Variants in SLC10A7 observed in about 807,000 individuals in gnomAD.
SLC10A7 encodes sodium/bile acid cotransporter 7.
In SLC10A7, 29 loss-of-function variants were observed where a neutral mutation model predicts 43.2. The ratio of observed to expected loss-of-function variants is 0.67; its 90% CI spans 0.50 to 0.92. The LOEUF is 0.92. SLC10A7 is among the 40% of genes least tolerant of loss of function. The pLI is 0.00. For synonymous variants in SLC10A7, 152 were observed against 144.8 expected, an observed-to-expected ratio of 1.05 and a Z score of -0.35; for missense variants, 295 against 403.2, an observed-to-expected ratio of 0.73 and a Z score of 2.30.
chr4:146,350,786 C>T (rs1228656041), intron 5 of SLC10A7, among the ~76,000 whole-genome samples: 8 of 103,308 alleles, frequency 7.7e-5, no homozygotes, highest in South Asian at 8.2e-4. Flanking sequence ...ACACCTCACA[C>T]GGCAGGGTAT....
chr4:146,282,319 A>G (rs1331766386), intron 10 of SLC10A7, among the ~76,000 whole-genome samples: 1 of 152,222 alleles, frequency 6.6e-6, no homozygotes, highest in Non-Finnish European at 1.5e-5. Flanking sequence ...GGGATTAATA[A>G]AAACATTATG....
rs961128550 is a variant in SLC10A7, at chr4:146,429,156, T to C, written c.435+13627A>G. 3.3e-5 allele frequency among the ~76,000 whole-genome samples: 5 copies of C among 152,166 alleles called. No homozygotes were observed. In the East Asian group the frequency reaches 7.7e-4, roughly 23 times the overall value. On this transcript the variant is annotated intron_variant, in intron 5 of 11. Coordinates refer to ENST00000335472, the MANE Select transcript of SLC10A7 (RefSeq NM_001029998.6). ...TTTCTTATGGCTACAGCAAGTTTTA[T>C]TGAGATTTAAAACCTTGGAATTTAA...
rs574775042 is a variant in SLC10A7, at chr4:146,445,654, G to A, written c.397-2833C>T. Among the ~76,000 whole-genome samples the A allele has an allele frequency of 7.9e-5, 12 of 152,186 alleles. No individual in the cohort carries two copies. In the South Asian group the frequency reaches 1.7e-3, roughly 21 times the overall value. ...CTTGGTACCCGAGTTCTTGTCAGGC[G>A]TCCAGGAAAAATCAGGTCACACAAA... is the stretch of plus-strand genomic sequence containing the variant. On this transcript the variant is annotated intron_variant, in intron 4 of 11. Coordinates refer to ENST00000335472, the MANE Select transcript of SLC10A7 (RefSeq NM_001029998.6).
intron 6 of SLC10A7, among the ~76,000 whole-genome samples, chr4:146,312,910 G>A (rs917998153): frequency 1.3e-5 from 2 of 152,110 alleles, no homozygotes; most frequent in Admixed American, 1.3e-4. Flanking sequence ...GGAAAGCTAT[G>A]AAGAATTGAG....
chr4:146,516,733 G>A (rs1394536385), intron 2 of SLC10A7, among the ~76,000 whole-genome samples: 1 of 152,042 alleles, frequency 6.6e-6, no homozygotes, highest in African/African-American at 2.4e-5. Context: ...AGGCATAGCA[G>A]GCACCACTGT....
intron 5 of SLC10A7, among the ~76,000 whole-genome samples, chr4:146,352,800 G>A (rs1319020630): frequency 5.7e-5 from 8 of 140,134 alleles, no homozygotes; most frequent in South Asian, 2.5e-4. Context: ...GGTACATAAC[G>A]AAATGAAGGC....
intron 7 of SLC10A7, among the ~76,000 whole-genome samples, chr4:146,304,670 G>C (rs931534637): frequency 3.0e-4 from 45 of 152,054 alleles, no homozygotes; most frequent in Non-Finnish European, 5.6e-4. Flanking sequence ...TTACTTCCAA[G>C]TATGTGGTCA....
chr4:146,421,380 T>C (rs1248482773), intron 5 of SLC10A7, among the ~76,000 whole-genome samples: 3 of 152,202 alleles, frequency 2.0e-5, no homozygotes, highest in Admixed American at 1.3e-4. Context: ...AAAGTATTCA[T>C]TGTTGTTCAT....
At chr4:146,395,805 C>G (rs533573872) in intron 5 of SLC10A7, among the ~76,000 whole-genome samples, 2 of 152,222 alleles carry the variant, frequency 1.3e-5, no homozygotes, top group African/African-American at 2.4e-5. Context: ...AATATATTTT[C>G]TATCCCCCAA....
At chr4:146,326,140 C>A in intron 5 of SLC10A7, 144 bp from the exon 6 acceptor site, 1 of 655,952 alleles carries the variant, frequency 1.5e-6, no homozygotes, top group African/African-American at 1.8e-5. Flanking sequence ...GGGAGAGTCC[C>A]AATCTTAGCT....
intron 5 of SLC10A7, among the ~76,000 whole-genome samples, chr4:146,430,056 A>G (rs1729658805): frequency 6.7e-6 from 1 of 149,032 alleles, no homozygotes; most frequent in Non-Finnish European, 1.5e-5. Flanking sequence ...GAGAAAACAT[A>G]GGGGAAAAAT....
intron 5 of SLC10A7, among the ~76,000 whole-genome samples, chr4:146,339,824 T>A (rs13116650): frequency 0.48 from 71,261 of 148,716 alleles, 17,371 homozygotes; most frequent in East Asian, 0.62. Context: ...TTTTTTTTAA[T>A]TTTACTTTAA....
chr4:146,459,151 C>T (rs562783418), intron 4 of SLC10A7, among the ~76,000 whole-genome samples: 7 of 151,698 alleles, frequency 4.6e-5, no homozygotes, highest in East Asian at 1.9e-4. Flanking sequence ...TAACAAAATA[C>T]GTGTAGACTG....
intron 5 of SLC10A7, among the ~76,000 whole-genome samples, chr4:146,391,866 G>A (rs2149804621): frequency 6.6e-6 from 1 of 152,178 alleles, no homozygotes; most frequent in Admixed American, 6.5e-5. Flanking sequence ...ACACATTAAG[G>A]CAAAAGCCCA....
At chr4:146,453,736 A>G (rs71614581) in intron 4 of SLC10A7, among the ~76,000 whole-genome samples, 1 of 151,970 alleles carries the variant, frequency 6.6e-6, no homozygotes, top group Non-Finnish European at 1.5e-5. Flanking sequence ...CTAGTACAAA[A>G]CAGTAAAAGT....
At chr4:146,368,412 T>G (rs973943731) in intron 5 of SLC10A7, among the ~76,000 whole-genome samples, 1 of 152,214 alleles carries the variant, frequency 6.6e-6, no homozygotes, top group Non-Finnish European at 1.5e-5. Flanking sequence ...TACTGTTACA[T>G]AGCTTTTCTT....
intron 4 of SLC10A7, among the ~76,000 whole-genome samples, chr4:146,495,421 C>T (rs1385740586): frequency 6.6e-6 from 1 of 152,162 alleles, no homozygotes; most frequent in Non-Finnish European, 1.5e-5. Context: ...TATCTTAATG[C>T]ATTGGATTAG....
intron 5 of SLC10A7, among the ~76,000 whole-genome samples, chr4:146,343,730 A>C (rs1038412540): frequency 1.3e-5 from 2 of 152,028 alleles, no homozygotes; most frequent in Admixed American, 6.6e-5. Flanking sequence ...TAAAGTACTT[A>C]ATATTGAATT....
intron 5 of SLC10A7, among the ~76,000 whole-genome samples, chr4:146,437,160 A>G (rs74585115): frequency 8.5e-4 from 129 of 152,146 alleles, no homozygotes; most frequent in African/African-American, 3.1e-3. Context: ...TTTCTATCCT[A>G]TTTTCCTATG....
Sources: allele counts gnomAD v4.1 joint callset (sites outside exome capture counted in the v4.1 genomes callset), GRCh38; gene constraint gnomAD v4.1.1; transcripts MANE v1.5; gene names NCBI Gene and HGNC (gene_info 2026-07-23, HGNC 2026-07-21).